ANGPT2: variants seen among roughly 807,000 people sequenced by gnomAD.
The protein encoded by ANGPT2 is angiopoietin 2.
Under a neutral mutation model 62.9 loss-of-function variants are expected in ANGPT2, and 28 were observed. The observed-to-expected ratio is 0.44, with a 90% CI of 0.33 to 0.61. ANGPT2 has a LOEUF of 0.61. ANGPT2 is among the 20% of genes least tolerant of loss of function. The pLI, the probability that ANGPT2 is intolerant of heterozygous loss-of-function variation, is 0.03. For missense variants in ANGPT2, 727 were observed against 594.9 expected (o/e 1.22, Z -2.31); for synonymous variants, 284 against 207.8 (o/e 1.37, Z -3.15).
chr8:6,517,922 G>C (rs963021285), intron 5 of ANGPT2, among the ~76,000 whole-genome samples: 2 of 152,208 alleles, frequency 1.3e-5, no homozygotes, highest in Non-Finnish European at 2.9e-5. Context: ...ATTGAGGTTT[G>C]TGAAAGCTTA....
intron 1 of ANGPT2, among the ~76,000 whole-genome samples, chr8:6,550,052 T>C (rs1156334628): frequency 6.6e-6 from 1 of 152,196 alleles, no homozygotes; most frequent in East Asian, 1.9e-4. Flanking sequence ...GTGCCTGCTG[T>C]CAGCACTGAT....
Position 6,527,627 on chromosome 8 carries a change from A to C in ANGPT2, c.494T>G (p.Leu165Arg), listed in dbSNP as rs766438954. ...RLELQLLEHS[L>R]STNKLEKQIL... The stretch of plus-strand genomic sequence containing the variant: ...CTGTTTTTCCAATTTGTTTGTCGAG[A>C]GGGAGTGTTCCAAGAGCTGAAGTTC... Residue 165 changes from leucine to arginine, a missense_variant, in exon 3 of 9, where the codon CTC (leucine) becomes CGC (arginine). Transcript: ENST00000629816. 4.3e-6 allele frequency: 7 copies of C among 1,613,874 alleles called. No homozygotes were observed. The highest frequency in any genetic ancestry group is 5.9e-6 in the Non-Finnish European group (7 of 1,179,962).
intron 1 of ANGPT2, among the ~76,000 whole-genome samples, chr8:6,535,435 G>A (rs760606138): frequency 6.6e-6 from 1 of 152,152 alleles, no homozygotes; most frequent in Non-Finnish European, 1.5e-5. Context: ...TAGAATGCAA[G>A]ATCCTTTTTA....
At chr8:6,554,570 T>C (rs1033548275) in intron 1 of ANGPT2, among the ~76,000 whole-genome samples, 72 of 152,220 alleles carry the variant, frequency 4.7e-4, no homozygotes, top group African/African-American at 1.7e-3. Flanking sequence ...AATGTATATT[T>C]TTAATTTGGT....
At chr8:6,519,712 C>G in intron 5 of ANGPT2, 152 bp downstream of exon 5, 1 of 907,120 alleles carries the variant, frequency 1.1e-6, no homozygotes, top group Admixed American at 2.7e-5. Flanking sequence ...TTGGCAAGCA[C>G]TCTAGGCGAG....
At position 6,562,877 on chromosome 8, in the gene ANGPT2, T is replaced by C; in HGVS notation, c.58A>G (p.Asn20Asp). ...CTGTCCATGCTCTTCCGAAAGTTGTTATAGGCTGCGGCCAAGACAAGATCA... is the reference window on the plus strand; with the variant it reads ...CTGTCCATGCTCTTCCGAAAGTTGTCATAGGCTGCGGCCAAGACAAGATCA... ...SCDLVLAAAY[N>D]NFRKSMDSIG... Residue 20 changes from asparagine (N) to aspartate (D), a missense_variant, in exon 1 of 9, where the codon AAC becomes GAC. By Grantham distance (23) the Asn-to-Asp change is conservative. Transcript: ENST00000629816. 1 of 1,611,160 alleles carries C rather than the reference T, an allele frequency of 6.2e-7. No homozygotes were observed. Among genetic ancestry groups the C allele is most frequent in the East Asian group, 2.2e-5 (1 of 44,728 alleles).
At position 6,515,947 on chromosome 8, in the gene ANGPT2, G is replaced by A. The variant is rs147790525; in HGVS notation, c.928-1169C>T. Among the ~76,000 whole-genome samples the A allele has an allele frequency of 3.6e-3, 544 of 152,298 alleles. 4 individuals carry two copies. The highest frequency in any genetic ancestry group is 0.011 in the African/African-American group (459 of 41,568). On this transcript the variant is annotated intron_variant, in intron 5 of 8. Transcript: ENST00000629816. ...ATGAGGAAAGAGGGGTGCAGAGGAA[G>A]TGCAGTGGCTGCCTGATGCCTCATT...
At chr8:6,528,598 C>G (rs902316316) in intron 2 of ANGPT2, among the ~76,000 whole-genome samples, 3 of 152,232 alleles carry the variant, frequency 2.0e-5, no homozygotes, top group African/African-American at 7.2e-5. Context: ...CCGTGCGGGC[C>G]TTTGTGAGCT....
rs1812308070 is a variant in ANGPT2 at position 6,502,100 on chromosome 8, T to C, written c.*1001A>G. 1 of 152,142 alleles carries C rather than the reference T, an allele frequency of 6.6e-6. No individual in the cohort carries two copies. The highest frequency in any genetic ancestry group is 1.5e-5 in the Non-Finnish European group (1 of 68,024). 9.4% of individuals were successfully genotyped at this position (152,142 alleles called of 1,614,324 possible). On this transcript the variant is annotated 3_prime_UTR_variant, in exon 9 of 9. Transcript: ENST00000629816. ...ATTGTAGTCTAGTTCTATAAAAATA[T>C]ATCTTACTAGGAAAGAAAACAGACC...
chr8:6,509,713 G>A (rs905942989), intron 7 of ANGPT2, among the ~76,000 whole-genome samples: 3 of 152,204 alleles, frequency 2.0e-5, no homozygotes, highest in African/African-American at 7.2e-5. Flanking sequence ...CCCATTTTCT[G>A]TTGAAAATGT....
chr8:6,552,672 T>A (rs2959761), intron 1 of ANGPT2, among the ~76,000 whole-genome samples: 2,551 of 152,310 alleles, frequency 0.017, 71 homozygotes, highest in African/African-American at 0.054. Flanking sequence ...CTAGCCATCA[T>A]CTTATTTGAA....
intron 5 of ANGPT2, 41 bp from the exon 6 acceptor site, chr8:6,514,819 C>G (rs779579363): frequency 5.1e-6 from 8 of 1,557,588 alleles, no homozygotes; most frequent in East Asian, 2.2e-5. Flanking sequence ...AGAGCCCCCC[C>G]ACTCCCCCCT....
At chr8:6,558,663 T>C (rs185764194) in intron 1 of ANGPT2, among the ~76,000 whole-genome samples, 1 of 152,312 alleles carries the variant, frequency 6.6e-6, no homozygotes, top group Non-Finnish European at 1.5e-5. Flanking sequence ...AGTGTCTCAA[T>C]AGAAGGTAAG....
intron 8 of ANGPT2, among the ~76,000 whole-genome samples, chr8:6,506,015 A>T (rs900035103): frequency 1.0e-4 from 15 of 144,840 alleles, no homozygotes; most frequent in Admixed American, 7.0e-5. Context: ...TTATATATGT[A>T]TATATATAAA....
chr8:6,507,438 T>G (rs918214943), intron 8 of ANGPT2: 11 of 152,216 alleles, frequency 7.2e-5, no homozygotes, highest in African/African-American at 2.7e-4. Context: ...CTACTTTAAA[T>G]CTTTCAGTGT....
intron 1 of ANGPT2, among the ~76,000 whole-genome samples, chr8:6,549,039 G>T (rs1223057802): frequency 6.6e-6 from 1 of 152,210 alleles, no homozygotes; most frequent in African/African-American, 2.4e-5. Context: ...AGACCACTCA[G>T]CGTATTTTCT....
At chr8:6,549,320 C>G (rs74937299) in intron 1 of ANGPT2, among the ~76,000 whole-genome samples, 6,392 of 152,312 alleles carry the variant, frequency 0.042, 192 homozygotes, top group East Asian at 0.092. Flanking sequence ...ATGGATCCAT[C>G]ACAGAAATAA....
intron 1 of ANGPT2, among the ~76,000 whole-genome samples, chr8:6,541,739 C>G (rs1350277037): frequency 6.6e-6 from 1 of 152,152 alleles, no homozygotes; most frequent in South Asian, 2.1e-4. Context: ...CATAGTGGCT[C>G]ACTCCTGTAA....
At chr8:6,537,450 T>A (rs1005007862) in intron 1 of ANGPT2, among the ~76,000 whole-genome samples, 22 of 152,120 alleles carry the variant, frequency 1.4e-4, no homozygotes, top group Non-Finnish European at 1.5e-5. Context: ...CTTAGTGTTA[T>A]TTGATTTGCT....
Sources: gnomAD v4.1 joint callset for allele counts (sites outside exome capture counted in the v4.1 genomes callset) on GRCh38, gnomAD v4.1.1 for gene constraint, MANE v1.5 for transcripts, NCBI Gene and HGNC (gene_info 2026-07-23, HGNC 2026-07-21) for gene names.